ADAM22: variants seen among roughly 807,000 people sequenced by gnomAD.
ADAM22 encodes the protein disintegrin and metalloproteinase domain-containing protein 22.
A neutral mutation model predicts 144.6 loss-of-function variants in ADAM22; 65 were observed. The observed-to-expected ratio is 0.45, with a 90% CI of 0.37 to 0.55. The LOEUF is 0.55. ADAM22 is among the 20% of genes least tolerant of loss of function. The pLI is 0.00. For missense variants in ADAM22, 974 were observed against 1,184.9 expected (o/e 0.82, Z 2.61); for synonymous variants, 391 against 412.6 (o/e 0.95, Z 0.63).
chr7:88,160,881 G>T (rs939808915), intron 22 of ADAM22, among the ~76,000 whole-genome samples: 1 of 151,902 alleles, frequency 6.6e-6, no homozygotes, highest in African/African-American at 2.4e-5. Flanking sequence ...ACCAAACACC[G>T]TGTGTTCTCA....
chr7:88,071,737 TG>T (rs1812871458), intron 3 of ADAM22, among the ~76,000 whole-genome samples: 1 of 152,148 alleles, frequency 6.6e-6, no homozygotes, highest in Non-Finnish European at 1.5e-5. Flanking sequence ...CTTTAGAGAA[TG>T]AGTGGCCTTT....
intron 7 of ADAM22, among the ~76,000 whole-genome samples, chr7:88,123,388 CT>C (rs1007677402): frequency 6.6e-6 from 1 of 151,502 alleles, no homozygotes; most frequent in Non-Finnish European, 1.5e-5. Flanking sequence ...TTGTGGTTTT[CT>C]TGGAAAGTTT....
chr7:87,987,928 C>G (rs1788855831), intron 3 of ADAM22, among the ~76,000 whole-genome samples: 1 of 152,146 alleles, frequency 6.6e-6, no homozygotes, highest in Admixed American at 6.5e-5. Context: ...ACTGTATACC[C>G]TTGTCCTGTG....
chr7:88,144,463 G>A (rs955035685), intron 15 of ADAM22, among the ~76,000 whole-genome samples: 12 of 152,036 alleles, frequency 7.9e-5, no homozygotes, highest in South Asian at 2.1e-4. Context: ...ATTTTAGTTC[G>A]CTGCAAAACT....
intron 18 of ADAM22, among the ~76,000 whole-genome samples, chr7:88,150,471 G>A (rs1399618834): frequency 6.6e-6 from 1 of 152,160 alleles, no homozygotes; most frequent in Non-Finnish European, 1.5e-5. Context: ...CATTCTTAAA[G>A]TGGACTTTGG....
chr7:88,143,282 G>A (rs1835347079), intron 15 of ADAM22, among the ~76,000 whole-genome samples, 157 bp downstream of exon 15: 1 of 152,150 alleles, frequency 6.6e-6, no homozygotes, highest in South Asian at 2.1e-4. Context: ...TTCAAAGTCA[G>A]CTTTAATGTT....
At chr7:88,195,114 G>A (rs141439240) in intron 31 of ADAM22, among the ~76,000 whole-genome samples, 22 of 152,154 alleles carry the variant, frequency 1.4e-4, no homozygotes, top group African/African-American at 4.8e-4. Flanking sequence ...TATATACAGC[G>A]ACATGCACCA....
At chr7:88,165,345 C>T (rs1342074562) in intron 23 of ADAM22, among the ~76,000 whole-genome samples, 2 of 152,040 alleles carry the variant, frequency 1.3e-5, no homozygotes, top group African/African-American at 2.4e-5. Flanking sequence ...GGTTGTATAG[C>T]CTTGTGGAAC....
chr7:87,954,488 T>C (rs1344460488), intron 2 of ADAM22, among the ~76,000 whole-genome samples: 1 of 152,216 alleles, frequency 6.6e-6, no homozygotes, highest in Non-Finnish European at 1.5e-5. Flanking sequence ...TCTTCTGGCT[T>C]GTAGAGTTTC....
intron 23 of ADAM22, 56 bp downstream of exon 23, chr7:88,163,236 G>A: frequency 7.1e-7 from 1 of 1,417,074 alleles, no homozygotes; most frequent in Non-Finnish European, 9.4e-7. Flanking sequence ...GAAATAGACA[G>A]GACCCTAAAC....
At chr7:88,023,774 G>T (rs1798355584) in intron 3 of ADAM22, among the ~76,000 whole-genome samples, 1 of 152,024 alleles carries the variant, frequency 6.6e-6, no homozygotes, top group South Asian at 2.1e-4. Context: ...TCAAATATTA[G>T]ATTTTATTGA....
At chr7:88,096,708 T>G (rs987398658) in intron 4 of ADAM22, among the ~76,000 whole-genome samples, 1 of 152,142 alleles carries the variant, frequency 6.6e-6, no homozygotes, top group African/African-American at 2.4e-5. Flanking sequence ...GAAGTTGGCC[T>G]TGTATTTAAA....
chr7:88,040,391 C>G (rs2129471712), intron 3 of ADAM22, among the ~76,000 whole-genome samples: 1 of 152,090 alleles, frequency 6.6e-6, no homozygotes, highest in South Asian at 2.1e-4. Context: ...CTCAGCCTCT[C>G]AAAGTGCTGG....
At chr7:87,993,696 A>G (rs1473193471) in intron 3 of ADAM22, among the ~76,000 whole-genome samples, 1 of 152,200 alleles carries the variant, frequency 6.6e-6, no homozygotes, top group Non-Finnish European at 1.5e-5. Context: ...TGATAAATCA[A>G]TCCATGAAGA....
At chr7:88,107,237 T>A (rs981510866) in intron 4 of ADAM22, among the ~76,000 whole-genome samples, 1 of 141,158 alleles carries the variant, frequency 7.1e-6, no homozygotes, top group East Asian at 2.3e-4. Context: ...ACAGGGTCTC[T>A]ATCGCCCAGG....
At chr7:88,189,909 ACT>A (rs896061640) in intron 30 of ADAM22, among the ~76,000 whole-genome samples, 1 of 151,996 alleles carries the variant, frequency 6.6e-6, no homozygotes, top group Non-Finnish European at 1.5e-5. Context: ...ACACCACTGT[ACT>A]CCAGCCTGGC....
intron 4 of ADAM22, among the ~76,000 whole-genome samples, chr7:88,095,669 T>C (rs1821054933): frequency 6.6e-6 from 1 of 152,318 alleles, no homozygotes; most frequent in South Asian, 2.1e-4. Context: ...ACAATTGGCC[T>C]GCGATAAAAA....
intron 22 of ADAM22, among the ~76,000 whole-genome samples, chr7:88,159,060 G>A (rs981209305): frequency 5.3e-5 from 8 of 152,014 alleles, no homozygotes; most frequent in Middle Eastern, 3.4e-3. Flanking sequence ...CATCAGAAAC[G>A]ACAAAGGGGA....
In ADAM22 at chr7:87,934,486, G is replaced by A. The variant is rs548023517; in HGVS notation, c.21G>A (p.Val7=). 5.0e-6 allele frequency: 8 copies of A among 1,606,152 alleles called. No individual in the cohort carries two copies. The South Asian group carries it at 6.6e-5, about 13-fold the overall frequency. The change falls in exon 1 of 32, where the codon GTG becomes GTA. Residue 7 remains valine, a synonymous_variant. Transcript: ENST00000413139. MQAAVA[V]SVPFLLLCVL... ...GCACCATGCAGGCGGCAGTGGCTGT[G>A]TCCGTGCCCTTCTTGCTGCTCTGTG...
Sources: allele counts gnomAD v4.1 joint callset (sites outside exome capture counted in the v4.1 genomes callset), GRCh38; gene constraint gnomAD v4.1.1; transcripts MANE v1.5; gene names NCBI Gene and HGNC (gene_info 2026-07-23, HGNC 2026-07-21).